The following SLC30A7 variants were observed in gnomAD, a reference collection of about 807,000 sequenced individuals.
The protein encoded by SLC30A7 is zinc transporter 7.
Under a neutral mutation model 46.0 loss-of-function variants are expected in SLC30A7, and 35 were observed. The ratio of observed to expected loss-of-function variants is 0.76; its 90% CI spans 0.58 to 1.01. The LOEUF (loss-of-function observed/expected upper bound fraction) is 1.01. Ranked by LOEUF, SLC30A7 falls within the 50% of genes least tolerant of loss-of-function variation. The pLI is 0.00. For missense variants in SLC30A7, 464 were observed against 451.1 expected, an observed-to-expected ratio of 1.03 and a Z score of -0.26; for synonymous variants, 147 against 157.8, an observed-to-expected ratio of 0.93 and a Z score of 0.51.
intron 10 of SLC30A7, among the ~76,000 whole-genome samples, chr1:100,967,624 C>T (rs1160091990): frequency 1.3e-5 from 2 of 152,214 alleles, no homozygotes; most frequent in Non-Finnish European, 2.9e-5. Flanking sequence ...TGTGGTACTC[C>T]TACCAAAAAC....
intron 8 of SLC30A7, among the ~76,000 whole-genome samples, chr1:100,922,486 A>G (rs1460028633): frequency 1.3e-5 from 2 of 152,192 alleles, no homozygotes; most frequent in African/African-American, 2.4e-5. Context: ...TGCATCTTAC[A>G]TTATTAAATG....
At chr1:100,956,001 T>G (rs533073750) in intron 8 of SLC30A7, among the ~76,000 whole-genome samples, 1 of 152,180 alleles carries the variant, frequency 6.6e-6, no homozygotes, top group East Asian at 1.9e-4. Context: ...TTGCTGCTGT[T>G]GAGTGTAAAG....
intron 6 of SLC30A7, among the ~76,000 whole-genome samples, chr1:100,914,156 G>A (rs1652316265): frequency 6.6e-6 from 1 of 152,088 alleles, no homozygotes; most frequent in South Asian, 2.1e-4. Flanking sequence ...TCACGTAAGG[G>A]TAAATGGGGT....
downstream of SLC30A7, among the ~76,000 whole-genome samples, chr1:100,985,405 A>G (rs1166531929): frequency 6.6e-6 from 1 of 152,236 alleles, no homozygotes; most frequent in Non-Finnish European, 1.5e-5. Flanking sequence ...CCTCTTTTGT[A>G]TATGTCAACA....
At chr1:100,896,378 G>A (rs537620754) in intron 1 of SLC30A7, 36 bp downstream of exon 1, 2 of 1,608,152 alleles carry the variant, frequency 1.2e-6, no homozygotes, top group South Asian at 2.2e-5. Flanking sequence ...GGGGGTGTCC[G>A]GCAGAAAGGG....
chr1:100,969,855 A>C (rs559458089), intron 10 of SLC30A7, among the ~76,000 whole-genome samples: 1 of 152,220 alleles, frequency 6.6e-6, no homozygotes, highest in East Asian at 1.9e-4. Flanking sequence ...TTTTGTGATC[A>C]CTGCTTTAGT....
chr1:100,923,525 T>A (rs1437894525), intron 8 of SLC30A7, among the ~76,000 whole-genome samples: 1 of 152,184 alleles, frequency 6.6e-6, no homozygotes, highest in Non-Finnish European at 1.5e-5. Context: ...CAACTATAAT[T>A]CCAGCATTTT....
intron 2 of SLC30A7, among the ~76,000 whole-genome samples, chr1:100,903,727 T>G (rs1651458836): frequency 6.6e-6 from 1 of 152,182 alleles, no homozygotes; most frequent in Non-Finnish European, 1.5e-5. Context: ...TAAATTATTG[T>G]GCTTTTTCTT....
Position 100,904,533 on chromosome 1 carries a change from C to CT in SLC30A7, c.183-2308dup, listed in dbSNP as rs969517075. Among the ~76,000 whole-genome samples, 1,139 of 141,360 alleles carry CT rather than the reference C, an allele frequency of 8.1e-3. 20 individuals are homozygous for CT. Among genetic ancestry groups the CT allele is most frequent in the African/African-American group, 0.026 (1,015 of 38,766 alleles). 92.7% of individuals were successfully genotyped at this position (141,360 alleles called of 152,430 possible). A position where few individuals can be genotyped will look rare whatever the true frequency, so the allele number is the denominator to read the frequency against. On this transcript the variant is annotated intron_variant, in intron 2 of 10. Coordinates refer to ENST00000357650, the MANE Select transcript of SLC30A7 (RefSeq NM_133496.5). ...TTAACTGCTTTCTCCACAGTGACTT[C>CT]TTTTTTTTTTTGGCTCTTTGTGTAT...
intron 6 of SLC30A7, among the ~76,000 whole-genome samples, chr1:100,915,193 T>TTTTCTTTC (rs200989431): frequency 0.066 from 6,010 of 90,712 alleles, 310 homozygotes; most frequent in Non-Finnish European, 0.07. Flanking sequence ...CTTTTCTTTC[T>TTTTCTTTC]TTTCTTTCTT....
At chr1:100,946,887 T>G (rs1654673233) in intron 8 of SLC30A7, among the ~76,000 whole-genome samples, 1 of 152,200 alleles carries the variant, frequency 6.6e-6, no homozygotes, top group Non-Finnish European at 1.5e-5. Flanking sequence ...GTACCTCTGG[T>G]AGAATTCAGC....
chr1:100,906,527 C>CA (rs1557974872), intron 2 of SLC30A7, among the ~76,000 whole-genome samples: 1 of 151,462 alleles, frequency 6.6e-6, no homozygotes, highest in Non-Finnish European at 1.5e-5. Flanking sequence ...TAGTAGATGG[C>CA]TTTTTTTTTC....
chr1:100,987,458 T>C, the SLC30A7 span, among the ~76,000 whole-genome samples: 1 of 152,202 alleles, frequency 6.6e-6, no homozygotes, highest in Non-Finnish European at 1.5e-5. Flanking sequence ...ACAATTTCTT[T>C]CATGTGTCAT....
intron 8 of SLC30A7, among the ~76,000 whole-genome samples, chr1:100,957,595 G>T (rs1330606778): frequency 6.6e-6 from 1 of 152,100 alleles, no homozygotes; most frequent in Admixed American, 6.5e-5. Flanking sequence ...CTATTTAATG[G>T]CAGAATCAGA....
intron 8 of SLC30A7, among the ~76,000 whole-genome samples, chr1:100,927,973 C>T (rs1653413393): frequency 6.6e-6 from 1 of 152,052 alleles, no homozygotes; most frequent in African/African-American, 2.4e-5. Flanking sequence ...GAATTGAGAT[C>T]TTAAGGCTTA....
At position 100,896,196 on chromosome 1, in the gene SLC30A7, C is replaced by A; in HGVS notation, c.-67C>A. 1 of 1,420,122 alleles carries A rather than the reference C, an allele frequency of 7.0e-7. No individual in the cohort carries two copies. The highest frequency in any genetic ancestry group is 1.0e-6 in the Non-Finnish European group (1 of 1,004,990). The allele number at this position is 1,420,122 out of a possible 1,614,324, so 88.0% of individuals were successfully genotyped here. A position where few individuals can be genotyped will look rare whatever the true frequency, so the allele number is the denominator to read the frequency against. On this transcript the variant is annotated 5_prime_UTR_variant, in exon 1 of 11. Coordinates refer to ENST00000357650, the MANE Select transcript of SLC30A7 (RefSeq NM_133496.5). ...TTCCCGTTTGAGGCGTCACTACTGT[C>A]ACTGCCATCACCCCACGGAGCCACT...
intron 2 of SLC30A7, among the ~76,000 whole-genome samples, chr1:100,906,646 G>A (rs1269284864): frequency 1.3e-5 from 2 of 152,116 alleles, no homozygotes; most frequent in Non-Finnish European, 1.5e-5. Context: ...TCTCGCAGCA[G>A]CTGGGCTTTT....
intron 10 of SLC30A7, among the ~76,000 whole-genome samples, chr1:100,968,325 G>A (rs1356206069): frequency 6.6e-6 from 1 of 152,006 alleles, no homozygotes; most frequent in Non-Finnish European, 1.5e-5. Flanking sequence ...GCTGGGTATG[G>A]TGGTGCATGC....
intron 5 of SLC30A7, among the ~76,000 whole-genome samples, 164 bp downstream of exon 5, chr1:100,912,402 GTGC>G (rs1557979024): frequency 1.3e-5 from 2 of 152,140 alleles, no homozygotes; most frequent in East Asian, 3.9e-4. Flanking sequence ...CTCCATCTCA[GTGC>G]CTTCTCAGAG....
Sources: allele counts gnomAD v4.1 joint callset (sites outside exome capture counted in the v4.1 genomes callset), GRCh38; gene constraint gnomAD v4.1.1; transcripts MANE v1.5; gene names NCBI Gene and HGNC (gene_info 2026-07-23, HGNC 2026-07-21).